ERBB4: variants seen among roughly 807,000 people sequenced by gnomAD.
The protein encoded by ERBB4 is receptor tyrosine-protein kinase erbB-4.
ERBB4 carries 42 observed loss-of-function variants against 158.0 expected under a neutral mutation model. The ratio of observed to expected loss-of-function variants is 0.27; its 90% CI spans 0.21 to 0.34. The LOEUF (loss-of-function observed/expected upper bound fraction) is 0.34. ERBB4 is among the 10% of genes least tolerant of loss of function. The pLI is 1.00. For synonymous variants in ERBB4, 583 were observed against 558.7 expected, an observed-to-expected ratio of 1.04 and a Z score of -0.61; for missense variants, 1,333 against 1,624.1, an observed-to-expected ratio of 0.82 and a Z score of 3.08.
At chr2:212,261,289 A>C (rs946420986) in intron 1 of ERBB4, among the ~76,000 whole-genome samples, 1 of 152,216 alleles carries the variant, frequency 6.6e-6, no homozygotes, top group African/African-American at 2.4e-5. Context: ...AGGAAATCAC[A>C]TTGAGAAGAA....
chr2:212,178,814 A>T (rs2081761739), intron 1 of ERBB4, among the ~76,000 whole-genome samples: 2 of 151,628 alleles, frequency 1.3e-5, no homozygotes, highest in Admixed American at 1.3e-4. Flanking sequence ...TCGCCAAAAC[A>T]TTACAATAAT....
intron 20 of ERBB4, among the ~76,000 whole-genome samples, chr2:211,533,878 T>G (rs773071526): frequency 1.7e-4 from 26 of 152,010 alleles, no homozygotes; most frequent in Non-Finnish European, 3.2e-4. Flanking sequence ...CTTAAAAAAA[T>G]ACAGAAAATC....
Position 211,377,766 on chromosome 2 carries a change from T to C in ERBB4, c.*5849A>G. 4.3e-6 allele frequency: 1 copy of C among 232,582 alleles called. No individual in the cohort carries two copies. Among genetic ancestry groups the C allele is most frequent in the Non-Finnish European group, 8.5e-6 (1 of 117,600 alleles). The allele number at this position is 232,582 out of a possible 1,614,324, so 14.4% of individuals were successfully genotyped here. On this transcript the variant is annotated 3_prime_UTR_variant, in exon 28 of 28. Transcript: ENST00000342788. ...ATATGTACAGCTTTTATGTAAAGAT[T>C]AAATCGAAGTTCTACCAAGTGTATG...
chr2:212,388,934 T>C (rs1377243859), intron 1 of ERBB4, among the ~76,000 whole-genome samples: 2 of 152,156 alleles, frequency 1.3e-5, no homozygotes, highest in African/African-American at 2.4e-5. Flanking sequence ...CCTAAATAAC[T>C]GAACAAGGCA....
intron 1 of ERBB4, among the ~76,000 whole-genome samples, chr2:212,341,952 T>C (rs1322395182): frequency 6.6e-6 from 1 of 152,058 alleles, no homozygotes; most frequent in East Asian, 1.9e-4. Flanking sequence ...ACCAAATATA[T>C]AATAGAAAAC....
At chr2:212,528,518 A>C (rs1017363626) in intron 1 of ERBB4, among the ~76,000 whole-genome samples, 2 of 152,212 alleles carry the variant, frequency 1.3e-5, no homozygotes, top group African/African-American at 4.8e-5. Flanking sequence ...GGAAAGTTCT[A>C]AAAGAACTTC....
chr2:211,862,613 C>A (rs917217357), intron 3 of ERBB4, among the ~76,000 whole-genome samples: 17 of 151,970 alleles, frequency 1.1e-4, no homozygotes, highest in African/African-American at 4.1e-4. Flanking sequence ...AAAAAAGGAA[C>A]TTTTAGAATA....
intron 23 of ERBB4, among the ~76,000 whole-genome samples, chr2:211,422,488 CAAAAAAAAA>C (rs57602784): frequency 9.8e-6 from 1 of 102,442 alleles, no homozygotes; most frequent in African/African-American, 3.4e-5. Flanking sequence ...TCCTGGTGGA[CAAAAAAAAA>C]AAAAAAAAAA....
intron 2 of ERBB4, among the ~76,000 whole-genome samples, chr2:212,101,757 TC>T (rs1376165405): frequency 6.6e-6 from 1 of 151,896 alleles, no homozygotes; most frequent in Non-Finnish European, 1.5e-5. Flanking sequence ...AAAAATTACT[TC>T]TACATAGTCT....
intron 2 of ERBB4, among the ~76,000 whole-genome samples, chr2:212,001,685 C>G (rs1160094867): frequency 6.6e-6 from 1 of 152,032 alleles, no homozygotes; most frequent in Admixed American, 6.6e-5. Flanking sequence ...AGATCTCAGT[C>G]CAGCAGAATC....
intron 7 of ERBB4, among the ~76,000 whole-genome samples, chr2:211,718,744 G>A (rs1017411059): frequency 6.6e-6 from 1 of 151,788 alleles, no homozygotes; most frequent in Non-Finnish European, 1.5e-5. Context: ...AAAAAACATG[G>A]TATACCACTA....
At chr2:211,942,833 C>A (rs1287949132) in intron 3 of ERBB4, among the ~76,000 whole-genome samples, 1 of 152,042 alleles carries the variant, frequency 6.6e-6, no homozygotes, top group East Asian at 1.9e-4. Flanking sequence ...TAAAGATATT[C>A]TCATAATTTA....
intron 25 of ERBB4, among the ~76,000 whole-genome samples, chr2:211,399,309 C>T (rs2125348962): frequency 6.6e-6 from 1 of 152,228 alleles, no homozygotes; most frequent in African/African-American, 2.4e-5. Context: ...AGCACAGTGC[C>T]AGGGGCACAG....
At chr2:211,623,858 G>A in intron 18 of ERBB4, 64 bp downstream of exon 18, 4 of 1,493,970 alleles carry the variant, frequency 2.7e-6, no homozygotes, top group Non-Finnish European at 3.7e-6. Flanking sequence ...TAACTCCATT[G>A]GCTATTATTT....
chr2:211,886,022 T>C (rs2078791247), intron 3 of ERBB4, among the ~76,000 whole-genome samples: 1 of 152,210 alleles, frequency 6.6e-6, no homozygotes. Context: ...ATTCAAATTA[T>C]ATAAAGCATA....
chr2:212,404,563 T>A (rs974408700), intron 1 of ERBB4, among the ~76,000 whole-genome samples: 1 of 152,004 alleles, frequency 6.6e-6, no homozygotes, highest in African/African-American at 2.4e-5. Context: ...ACAGAACATG[T>A]GAGTTATGGC....
chr2:212,180,529 T>C (rs2081825731), intron 1 of ERBB4, among the ~76,000 whole-genome samples: 1 of 151,664 alleles, frequency 6.6e-6, no homozygotes, highest in African/African-American at 2.4e-5. Flanking sequence ...CAGGTTTATA[T>C]TTATAGGTCA....
chr2:211,596,422 A>C (rs932331034), intron 19 of ERBB4, among the ~76,000 whole-genome samples: 5 of 152,230 alleles, frequency 3.3e-5, no homozygotes, highest in African/African-American at 9.6e-5. Flanking sequence ...AGTAGTTATA[A>C]ATCCACTAGT....
At chr2:212,126,302 A>G (rs1041978014) in intron 1 of ERBB4, among the ~76,000 whole-genome samples, 1 of 151,952 alleles carries the variant, frequency 6.6e-6, no homozygotes, top group Non-Finnish European at 1.5e-5. Context: ...TCTACCAAAA[A>G]TACAAAAATT....
Sources: gnomAD v4.1 joint callset for allele counts (sites outside exome capture counted in the v4.1 genomes callset) on GRCh38, gnomAD v4.1.1 for gene constraint, MANE v1.5 for transcripts, NCBI Gene and HGNC (gene_info 2026-07-23, HGNC 2026-07-21) for gene names.